Variants in COL12A1 observed in about 807,000 individuals in gnomAD.
COL12A1 encodes collagen alpha-1(XII) chain.
In COL12A1, 114 loss-of-function variants were observed where a neutral mutation model predicts 349.7. That is an observed-to-expected ratio of 0.33 (90% CI 0.28 to 0.38). COL12A1 has a LOEUF of 0.38. COL12A1 is among the 10% of genes least tolerant of loss of function. The pLI, the probability that COL12A1 is intolerant of heterozygous loss-of-function variation, is 1.00. For synonymous variants in COL12A1, 1,369 were observed against 1,329.0 expected (o/e 1.03, Z -0.66); for missense variants, 3,284 against 3,756.9 (o/e 0.87, Z 3.29).
intron 14 of COL12A1, among the ~76,000 whole-genome samples, chr6:75,161,186 C>G (rs1485002810): frequency 6.6e-6 from 1 of 152,120 alleles, no homozygotes; most frequent in South Asian, 2.1e-4. Flanking sequence ...AGGAAACCCA[C>G]AGACATGGAG....
Position 75,155,917 on chromosome 6 carries a change from T to C in COL12A1, c.3251-63A>G, listed in dbSNP as rs536326816. 4 of 1,486,300 alleles carry C rather than the reference T, an allele frequency of 2.7e-6. No homozygotes were observed. The African/African-American group carries it at 4.3e-5, about 16-fold the overall frequency. The allele number at this position is 1,486,300 out of a possible 1,614,324, so 92.1% of individuals were successfully genotyped here. A position where few individuals can be genotyped will look rare whatever the true frequency, so the allele number is the denominator to read the frequency against. Reference sequence around the variant, plus strand: ...AGACTAGGCTTTGGGGTTTCTTTTTTATTAGCCCCACAAAAATGCATATCC... The same window carrying C: ...AGACTAGGCTTTGGGGTTTCTTTTTCATTAGCCCCACAAAAATGCATATCC... On this transcript the variant is annotated intron_variant, in intron 15 of 65. Transcript: ENST00000322507.
At chr6:75,140,261 G>GT (rs1766826286) in intron 27 of COL12A1, among the ~76,000 whole-genome samples, 1 of 152,120 alleles carries the variant, frequency 6.6e-6, no homozygotes, top group African/African-American at 2.4e-5. Context: ...CCCTTACAAG[G>GT]TAAGAACTTA....
chr6:75,133,143 TG>T, intron 34 of COL12A1, 149 bp downstream of exon 34: 1 of 549,240 alleles, frequency 1.8e-6, no homozygotes, highest in Admixed American at 3.9e-5. Context: ...TGTTAACATT[TG>T]GTGTTAGGAA....
At chr6:75,121,197 GGT>G in intron 44 of COL12A1, 103 bp downstream of exon 44, 1 of 1,081,964 alleles carries the variant, frequency 9.2e-7, no homozygotes, top group East Asian at 2.7e-5. Flanking sequence ...AATAGGAGAA[GGT>G]CAAAACAGAG....
At chr6:75,113,356 T>A in intron 50 of COL12A1, 43 bp from the exon 51 acceptor site, 1 of 1,233,142 alleles carries the variant, frequency 8.1e-7, no homozygotes, top group Non-Finnish European at 1.1e-6. Context: ...ATGCATTGTA[T>A]AATTTTTATT....
chr6:75,189,551 C>G lies in COL12A1; in HGVS notation c.658+1G>C. Reference sequence around the variant, plus strand: ...ACTTTAAAAAAATCTGTAGAACATACCTGTCATTGTGTTGCCACCTTTATA... The same window carrying G: ...ACTTTAAAAAAATCTGTAGAACATAGCTGTCATTGTGTTGCCACCTTTATA... On this transcript the variant is annotated splice_donor_variant, in intron 6 of 65. Coordinates refer to ENST00000322507, the MANE Select transcript of COL12A1 (RefSeq NM_004370.6). LOFTEE classifies it high-confidence loss of function. 2 of 1,610,950 alleles carry G rather than the reference C, an allele frequency of 1.2e-6. No individual in the cohort carries two copies. The highest frequency in any genetic ancestry group is 1.7e-6 in the Non-Finnish European group (2 of 1,178,536).
chr6:75,147,184 C>T lies in COL12A1; in HGVS notation c.4417+491G>A, dbSNP rs772987683. 3.9e-5 allele frequency among the ~76,000 whole-genome samples: 6 copies of T among 152,314 alleles called. No individual in the cohort carries two copies. In the South Asian group the frequency reaches 6.2e-4, roughly 16 times the overall value. ...CTCACTGGCAGCCGGGAGCGCTGGC[C>T]GTTAGTAAAAGTGAAATCGGTATCT... On this transcript the variant is annotated intron_variant, in intron 23 of 65. Coordinates refer to ENST00000322507, the MANE Select transcript of COL12A1 (RefSeq NM_004370.6).
chr6:75,121,521 A>G (rs951725375), intron 43 of COL12A1, 80 bp from the exon 44 acceptor site: 2 of 1,417,426 alleles, frequency 1.4e-6, no homozygotes, highest in East Asian at 2.4e-5. Flanking sequence ...TGAAAATGCA[A>G]TATAACACCT....
chr6:75,180,080 G>C (rs987663871), intron 11 of COL12A1, among the ~76,000 whole-genome samples: 3 of 152,214 alleles, frequency 2.0e-5, no homozygotes, highest in Non-Finnish European at 4.4e-5. Flanking sequence ...AGAATCATTT[G>C]AGCCTAGGAT....
intron 47 of COL12A1, among the ~76,000 whole-genome samples, chr6:75,116,746 G>A (rs1473194532): frequency 1.3e-5 from 2 of 151,982 alleles, no homozygotes; most frequent in African/African-American, 4.8e-5. Flanking sequence ...TAGGATCAGG[G>A]GTCTGGACTA....
chr6:75,202,682 T>C, intron 2 of COL12A1, 38 bp downstream of exon 2: 1 of 1,535,962 alleles, frequency 6.5e-7, no homozygotes, highest in South Asian at 1.2e-5. Flanking sequence ...TCTCGAATTT[T>C]GCATTGTCAC....
At chr6:75,200,198 C>G (rs776811669) in intron 2 of COL12A1, among the ~76,000 whole-genome samples, 1 of 152,048 alleles carries the variant, frequency 6.6e-6, no homozygotes, top group African/African-American at 2.4e-5. Flanking sequence ...CTTCAAAGGC[C>G]CCTAGCACCA....
At chr6:75,172,276 A>G (rs1049215357) in intron 13 of COL12A1, among the ~76,000 whole-genome samples, 2 of 152,214 alleles carry the variant, frequency 1.3e-5, no homozygotes, top group African/African-American at 2.4e-5. Context: ...CTGTAAAATT[A>G]AAAAGTACAT....
chr6:75,165,944 G>T (rs922042681), intron 13 of COL12A1, among the ~76,000 whole-genome samples, 165 bp from the exon 14 acceptor site: 2 of 151,986 alleles, frequency 1.3e-5, no homozygotes, highest in Non-Finnish European at 2.9e-5. Flanking sequence ...TCTGTCTGTG[G>T]AATAGATAGA....
chr6:75,137,616 A>C, intron 30 of COL12A1, 37 bp from the exon 31 acceptor site: 1 of 1,611,114 alleles, frequency 6.2e-7, no homozygotes, highest in South Asian at 1.1e-5. Flanking sequence ...GTAAGCAGAC[A>C]GAACAATGCC....
chr6:75,132,175 G>C, intron 34 of COL12A1, 93 bp from the exon 35 acceptor site: 4 of 1,429,894 alleles, frequency 2.8e-6, no homozygotes, highest in Non-Finnish European at 3.8e-6. Context: ...TCTGTAACAG[G>C]ATAAAATGCT....
chr6:75,118,026 C>T (rs184435912), intron 46 of COL12A1, among the ~76,000 whole-genome samples: 199 of 152,148 alleles, frequency 1.3e-3, no homozygotes, highest in African/African-American at 4.3e-3. Context: ...TGGCAACAGA[C>T]GGGCTATGAC....
rs747656891 is a variant in COL12A1, at chr6:75,087,634, C to T, written c.9124G>A (p.Gly3042Arg). Residue 3042 changes from glycine (G) to arginine (R), a missense_variant, in exon 65 of 66, where the codon GGA becomes AGA. Physicochemically the swap from Gly to Arg is moderately radical, Grantham distance 125. Coordinates refer to ENST00000322507, the MANE Select transcript of COL12A1 (RefSeq NM_004370.6). Reference protein sequence around the residue: ...SGIRGPPGPPGYCDSSQCASI... With the variant: ...SGIRGPPGPPRYCDSSQCASI... ...GCACACTGAGAAGAATCACAGTATC[C>T]AGGAGGACCTGGGGGTCCTCGGATA... The T allele has an allele frequency of 6.2e-7, 1 of 1,613,482 alleles. No homozygotes were observed. Among genetic ancestry groups the T allele is most frequent in the African/African-American group, 1.3e-5 (1 of 74,968 alleles).
At chr6:75,086,724 T>C (rs553762588) in intron 65 of COL12A1, among the ~76,000 whole-genome samples, 167 bp from the exon 66 acceptor site, 1 of 151,174 alleles carries the variant, frequency 6.6e-6, no homozygotes, top group East Asian at 1.9e-4. Context: ...GTAATTTAAA[T>C]TTATAAAGAA....
Sources: allele counts gnomAD v4.1 joint callset (sites outside exome capture counted in the v4.1 genomes callset), GRCh38; gene constraint gnomAD v4.1.1; transcripts MANE v1.5; gene names NCBI Gene and HGNC (gene_info 2026-07-23, HGNC 2026-07-21).